RNF4: variants seen among roughly 807,000 people sequenced by gnomAD.
RNF4 encodes the protein E3 ubiquitin-protein ligase RNF4.
A neutral mutation model predicts 24.3 loss-of-function variants in RNF4; 7 were observed. The ratio of observed to expected loss-of-function variants is 0.29; its 90% CI spans 0.16 to 0.54. The LOEUF is 0.54. Ranked by LOEUF, RNF4 falls within the 20% of genes least tolerant of loss-of-function variation. The probability of loss-of-function intolerance (pLI) is 0.95; values close to 1 mark genes in which losing one functional copy is unlikely to be tolerated. For missense variants in RNF4, 209 were observed against 248.5 expected (o/e 0.84, Z 1.07); for synonymous variants, 83 against 84.3 (o/e 0.98, Z 0.09).
intron 4 of RNF4, among the ~76,000 whole-genome samples, chr4:2,509,887 T>C (rs549924653): frequency 6.6e-6 from 1 of 152,298 alleles, no homozygotes; most frequent in Admixed American, 6.5e-5. Flanking sequence ...GCTGGGGTCA[T>C]TTCTAGCCAC....
At chr4:2,513,598 G>A (rs1736329353) in intron 7 of RNF4, 72 bp from the exon 8 acceptor site, 1 of 1,575,262 alleles carries the variant, frequency 6.3e-7, no homozygotes, top group Non-Finnish European at 8.7e-7. Context: ...ATAGGTGGGT[G>A]GGATTCTCTG....
intron 4 of RNF4, among the ~76,000 whole-genome samples, chr4:2,504,526 T>TTATC (rs1736009792): frequency 1.3e-5 from 1 of 77,164 alleles, no homozygotes; most frequent in Admixed American, 1.1e-4. Flanking sequence ...TTTATAGCTT[T>TTATC]TATTTATTTA....
At chr4:2,495,425 C>T (rs941032366) in intron 2 of RNF4, among the ~76,000 whole-genome samples, 9 of 152,158 alleles carry the variant, frequency 5.9e-5, no homozygotes, top group African/African-American at 2.2e-4. Context: ...TAGCATCTTC[C>T]GTCTCTGCGC....
chr4:2,501,370 A>G (rs1242220113), intron 4 of RNF4, among the ~76,000 whole-genome samples: 1 of 152,172 alleles, frequency 6.6e-6, no homozygotes, highest in African/African-American at 2.4e-5. Flanking sequence ...CAGGGGATGC[A>G]GGCTCCCTGC....
chr4:2,506,947 C>G (rs1256352454), intron 4 of RNF4, among the ~76,000 whole-genome samples: 1 of 152,150 alleles, frequency 6.6e-6, no homozygotes, highest in Non-Finnish European at 1.5e-5. Flanking sequence ...AGAAAAGAGA[C>G]TGGCAACTCT....
intron 1 of RNF4, among the ~76,000 whole-genome samples, chr4:2,481,468 TA>T (rs1173017457): frequency 1.3e-5 from 2 of 152,210 alleles, no homozygotes; most frequent in Non-Finnish European, 2.9e-5. Context: ...GTTGGTATGA[TA>T]TAAAGACTTT....
rs1457598053 is a variant in RNF4, at chr4:2,469,171, A to G, written c.-245A>G. The G allele has an allele frequency of 6.6e-6, 1 of 152,190 alleles. No homozygotes were observed. The highest frequency in any genetic ancestry group is 6.5e-5 in the Admixed American group (1 of 15,288). The allele number at this position is 152,190 out of a possible 1,614,324, so 9.4% of individuals were successfully genotyped here. A position where few individuals can be genotyped will look rare whatever the true frequency, so the allele number is the denominator to read the frequency against. ...GAGGAGCTCTCCTGGGCGGCTGAAG[A>G]AGGAGCTTCTTCTCCGGAGTGCGCC... On this transcript the variant is annotated 5_prime_UTR_variant, in exon 1 of 8. Coordinates refer to ENST00000314289, the MANE Select transcript of RNF4 (RefSeq NM_002938.5).
At position 2,515,316 on chromosome 4, in the gene RNF4, T is replaced by C. The variant is rs1197951410; in HGVS notation, c.*1497T>C. ...CCTCTATGTGAAAAGAAAATTGTTT[T>C]ATTCTTCATTCTGACTTTTTAACTG... On this transcript the variant is annotated 3_prime_UTR_variant, in exon 8 of 8. Transcript: ENST00000314289. 2 of 152,688 alleles carry C rather than the reference T, an allele frequency of 1.3e-5. No homozygotes were observed. The highest frequency in any genetic ancestry group is 2.9e-5 in the Non-Finnish European group (2 of 68,044). 9.5% of individuals were successfully genotyped at this position (152,688 alleles called of 1,614,324 possible). A position where few individuals can be genotyped will look rare whatever the true frequency, so the allele number is the denominator to read the frequency against.
At chr4:2,501,509 G>A (rs1735910511) in intron 4 of RNF4, among the ~76,000 whole-genome samples, 1 of 152,228 alleles carries the variant, frequency 6.6e-6, no homozygotes, top group South Asian at 2.1e-4. Context: ...TGCCTGCCAG[G>A]AGGGAGGCCT....
chr4:2,469,298 C>T (rs1734814336), intron 1 of RNF4, 40 bp downstream of exon 1: 1 of 152,174 alleles, frequency 6.6e-6, no homozygotes, highest in African/African-American at 2.4e-5. Context: ...TAGGCAGCTT[C>T]GCGGCCTACA....
intron 1 of RNF4, among the ~76,000 whole-genome samples, chr4:2,489,608 A>G (rs560282597): frequency 6.6e-6 from 1 of 152,250 alleles, no homozygotes; most frequent in East Asian, 1.9e-4. Flanking sequence ...CTAAGCCACT[A>G]GCACCCAGCA....
intron 4 of RNF4, among the ~76,000 whole-genome samples, chr4:2,504,524 T>TTTTATTTATTTATTTATTTA (rs148529651): frequency 7.1e-6 from 1 of 140,814 alleles, no homozygotes; most frequent in Non-Finnish European, 1.5e-5. Flanking sequence ...GTTTTATAGC[T>TTTTATTTATTTATTTATTTA]TTTATTTATT....
intron 4 of RNF4, among the ~76,000 whole-genome samples, chr4:2,506,741 A>G (rs1381861371): frequency 6.6e-6 from 1 of 151,526 alleles, no homozygotes; most frequent in Non-Finnish European, 1.5e-5. Context: ...CTGATTTTTT[A>G]TATTTTTTTG....
chr4:2,500,588 C>T, intron 3 of RNF4, 71 bp from the exon 4 acceptor site: 1 of 1,488,994 alleles, frequency 6.7e-7, no homozygotes, highest in Non-Finnish European at 9.2e-7. Flanking sequence ...AGCAGTCATA[C>T]TAAAGTGTAG....
intron 3 of RNF4, chr4:2,499,252 C>T (rs1225650657): frequency 4.5e-6 from 2 of 448,206 alleles, no homozygotes; most frequent in South Asian, 1.6e-5. Context: ...TAGACCAATA[C>T]TGTTTCTTAA....
intron 1 of RNF4, among the ~76,000 whole-genome samples, chr4:2,487,364 C>T (rs1735441242): frequency 6.6e-6 from 1 of 152,200 alleles, no homozygotes; most frequent in African/African-American, 2.4e-5. Flanking sequence ...TGGCTCATTG[C>T]AACCTCCGCC....
At chr4:2,483,993 AT>A (rs1028561084) in intron 1 of RNF4, among the ~76,000 whole-genome samples, 3 of 125,984 alleles carry the variant, frequency 2.4e-5, no homozygotes, top group Non-Finnish European at 4.8e-5. Flanking sequence ...CACCCAGCTA[AT>A]TGTTGTATTT....
chr4:2,473,381 T>TA (rs542105879), intron 1 of RNF4, among the ~76,000 whole-genome samples: 6,868 of 148,742 alleles, frequency 0.046, 529 homozygotes, highest in African/African-American at 0.16. Flanking sequence ...GATTCCGTCT[T>TA]AAAAAAAAAA....
chr4:2,502,202 T>C (rs1440501210), intron 4 of RNF4, among the ~76,000 whole-genome samples: 3 of 151,434 alleles, frequency 2.0e-5, no homozygotes, highest in East Asian at 3.9e-4. Context: ...TGCAGAAGTT[T>C]TTTTGTTTTT....
Sources: allele counts gnomAD v4.1 joint callset (sites outside exome capture counted in the v4.1 genomes callset), GRCh38; gene constraint gnomAD v4.1.1; transcripts MANE v1.5; gene names NCBI Gene and HGNC (gene_info 2026-07-23, HGNC 2026-07-21).